Variants in RPS6KA2 observed in about 807,000 individuals in gnomAD.
The protein encoded by RPS6KA2 is ribosomal protein S6 kinase A2.
Under a neutral mutation model 91.8 loss-of-function variants are expected in RPS6KA2, and 42 were observed. That is an observed-to-expected ratio of 0.46 (90% CI 0.36 to 0.59). RPS6KA2 has a LOEUF of 0.59. Ranked by LOEUF, RPS6KA2 falls within the 20% of genes least tolerant of loss-of-function variation. The probability of loss-of-function intolerance (pLI) is 0.00; values close to 1 mark genes in which losing one functional copy is unlikely to be tolerated. For synonymous variants in RPS6KA2, 414 were observed against 393.6 expected (o/e 1.05, Z -0.61); for missense variants, 798 against 978.5 (o/e 0.82, Z 2.46).
At chr6:166,439,265 G>A (rs1167482362) in intron 14 of RPS6KA2, among the ~76,000 whole-genome samples, 1 of 152,142 alleles carries the variant, frequency 6.6e-6, no homozygotes, top group Non-Finnish European at 1.5e-5. Flanking sequence ...GCGCCACCAT[G>A]CCTGGCTAAT....
chr6:166,512,318 G>C (rs954223157), intron 3 of RPS6KA2, among the ~76,000 whole-genome samples: 1 of 152,184 alleles, frequency 6.6e-6, no homozygotes, highest in African/African-American at 2.4e-5. Flanking sequence ...GAGCTGGAAG[G>C]GGGAGAATGG....
At chr6:166,660,348 G>A (rs920523153) in intron 2 of RPS6KA2, among the ~76,000 whole-genome samples, 4 of 151,372 alleles carry the variant, frequency 2.6e-5, no homozygotes, top group Non-Finnish European at 5.9e-5. Context: ...GTGCGGGTTG[G>A]TGTGTGCGTG....
intron 2 of RPS6KA2, among the ~76,000 whole-genome samples, chr6:166,710,734 G>A (rs947219726): frequency 6.6e-6 from 1 of 152,160 alleles, no homozygotes; most frequent in African/African-American, 2.4e-5. Flanking sequence ...CTGACAGGAG[G>A]AGAGAAGAAG....
At chr6:166,758,557 G>A (rs554055586) in intron 2 of RPS6KA2, among the ~76,000 whole-genome samples, 31 of 152,306 alleles carry the variant, frequency 2.0e-4, no homozygotes, top group African/African-American at 7.0e-4. Flanking sequence ...GGACACTGGC[G>A]GAGTTTCCTT....
rs1779747519 is a variant in RPS6KA2, at chr6:166,448,457, T to A, written c.1332+267A>T. 6.6e-6 allele frequency among the ~76,000 whole-genome samples: 1 copy of A among 152,202 alleles called. No homozygotes were observed. Among genetic ancestry groups the A allele is most frequent in the African/African-American group, 2.4e-5 (1 of 41,440 alleles). On this transcript the variant is annotated intron_variant, in intron 14 of 20. Coordinates refer to ENST00000265678, the MANE Select transcript of RPS6KA2 (RefSeq NM_021135.6). This position sits in a 1 kb window ranked among gnomAD's most constrained non-coding sequence, Gnocchi z 4.7. Reference sequence around the variant, plus strand: ...GACCTCATATCAAAGCAAACTGAACTCCATCATATCAGAGCTTGGAAAATG... The same window carrying A: ...GACCTCATATCAAAGCAAACTGAACACCATCATATCAGAGCTTGGAAAATG...
intron 14 of RPS6KA2, among the ~76,000 whole-genome samples, chr6:166,436,909 A>G (rs1779336630): frequency 6.6e-6 from 1 of 152,126 alleles, no homozygotes; most frequent in Admixed American, 6.5e-5. Context: ...CGGGAGAATT[A>G]ATCCAAATCA....
intron 1 of RPS6KA2, among the ~76,000 whole-genome samples, chr6:166,613,482 A>G (rs1255812051): frequency 6.6e-6 from 1 of 152,168 alleles, no homozygotes; most frequent in Non-Finnish European, 1.5e-5. Flanking sequence ...CCACACCCTG[A>G]GCTACTCACC....
chr6:166,569,928 C>T (rs1784633699), intron 1 of RPS6KA2, among the ~76,000 whole-genome samples: 1 of 152,228 alleles, frequency 6.6e-6, no homozygotes, highest in South Asian at 2.1e-4. Context: ...TCACTCTGTA[C>T]TTTCAACCCC....
intron 2 of RPS6KA2, chr6:166,700,999 A>G (rs550720396): frequency 1.0e-6 from 1 of 961,398 alleles, no homozygotes; most frequent in Admixed American, 1.9e-5. Flanking sequence ...AAACTTGTGC[A>G]TGTGATTCTG....
In RPS6KA2 at chr6:166,454,227, C is replaced by T. The variant is rs147763633; in HGVS notation, c.1076-2994G>A. ...AATAAAAAATAAAACAGGCTGGGCG[C>T]GGTGGATCACACCTGTAATCTCAGC... On this transcript the variant is annotated intron_variant, in intron 12 of 20. Transcript: ENST00000265678. 6.4e-3 allele frequency among the ~76,000 whole-genome samples: 981 copies of T among 152,292 alleles called. 15 individuals carry two copies. The highest frequency in any genetic ancestry group is 0.022 in the African/African-American group (925 of 41,558).
intron 1 of RPS6KA2, among the ~76,000 whole-genome samples, chr6:166,573,566 G>A (rs1460116467): frequency 1.3e-5 from 2 of 152,258 alleles, no homozygotes; most frequent in Non-Finnish European, 2.9e-5. Context: ...GGGTCAGGCT[G>A]CAGCTGACTT....
At chr6:166,467,179 CTTACTCATTCACTCACTCACTCATTCAT>C (rs1780570600) in intron 11 of RPS6KA2, among the ~76,000 whole-genome samples, 1 of 151,866 alleles carries the variant, frequency 6.6e-6, no homozygotes, top group Non-Finnish European at 1.5e-5. Context: ...CACTCACTCC[CTTACTCATTCACTCACTCACTCATTCAT>C]TCACTCCCTC....
At chr6:166,427,441 G>A (rs1778964962) in intron 16 of RPS6KA2, among the ~76,000 whole-genome samples, 1 of 152,036 alleles carries the variant, frequency 6.6e-6, no homozygotes, top group South Asian at 2.1e-4. Context: ...AGTGTTGGAA[G>A]TTCTGGCCAG....
chr6:166,624,652 G>T (rs1477503710), intron 1 of RPS6KA2, among the ~76,000 whole-genome samples: 2 of 152,086 alleles, frequency 1.3e-5, no homozygotes, highest in Non-Finnish European at 2.9e-5. Flanking sequence ...CCAAGACCCG[G>T]TCCTCCATAA....
intron 2 of RPS6KA2, among the ~76,000 whole-genome samples, chr6:166,816,554 C>CAAA (rs762549959): frequency 6.4e-4 from 88 of 137,938 alleles, no homozygotes; most frequent in African/African-American, 2.3e-3. Context: ...GACTCCATCT[C>CAAA]AAAAAAAAAA....
At chr6:166,504,218 G>A (rs1037849697) in intron 6 of RPS6KA2, among the ~76,000 whole-genome samples, 7 of 152,196 alleles carry the variant, frequency 4.6e-5, no homozygotes, top group Non-Finnish European at 7.3e-5. Context: ...CCCCAGCTCC[G>A]GCTTCCCGTG....
chr6:166,626,445 G>C lies in RPS6KA2; in HGVS notation c.99+476C>G, dbSNP rs1232321404. The stretch of plus-strand genomic sequence containing the variant: ...AATTCTACACTGACTTCAAGTGCAC[G>C]AATGAGCTACAAGATAAGGTGGAAC... On this transcript the variant is annotated intron_variant, in intron 1 of 20. Coordinates refer to ENST00000265678, the MANE Select transcript of RPS6KA2 (RefSeq NM_021135.6). This position sits in a 1 kb window ranked among gnomAD's most constrained non-coding sequence, Gnocchi z 4.1. 6.6e-6 allele frequency among the ~76,000 whole-genome samples: 1 copy of C among 152,254 alleles called. No homozygotes were observed. The highest frequency in any genetic ancestry group is 1.5e-5 in the Non-Finnish European group (1 of 68,042).
chr6:166,639,145 G>A lies in RPS6KA2; in HGVS notation c.124-100361C>T, dbSNP rs1244894460. ...GTTTCACACAGAAAATTAATGAAAT[G>A]GCTGGGAAGGCAGTCGACTCCCAAA... On this transcript the variant is annotated intron_variant, in intron 2 of 21. Transcript: ENST00000503859. This position sits in a 1 kb window ranked among gnomAD's most constrained non-coding sequence, Gnocchi z 4.2. Among the ~76,000 whole-genome samples, 1 of 152,172 alleles carries A rather than the reference G, an allele frequency of 6.6e-6. No homozygotes were observed. Among genetic ancestry groups the A allele is most frequent in the Non-Finnish European group, 1.5e-5 (1 of 68,034 alleles).
intron 2 of RPS6KA2, among the ~76,000 whole-genome samples, chr6:166,686,719 C>A (rs562647745): frequency 7.2e-5 from 11 of 152,354 alleles, no homozygotes; most frequent in African/African-American, 2.6e-4. Context: ...TCCATGGTAC[C>A]TATGTCACTG....
Sources: gnomAD v4.1 joint callset for allele counts (sites outside exome capture counted in the v4.1 genomes callset) on GRCh38, gnomAD v4.1.1 for gene constraint, Gnocchi (gnomAD v3.1) non-coding constraint, MANE v1.5 for transcripts, NCBI Gene and HGNC (gene_info 2026-07-23, HGNC 2026-07-21) for gene names.